The following CD38 variants were observed in gnomAD, a reference collection of about 807,000 sequenced individuals.
CD38 encodes ADP-ribosyl cyclase/cyclic ADP-ribose hydrolase 1.
In CD38, 31 loss-of-function variants were observed where a neutral mutation model predicts 36.3. The observed-to-expected ratio is 0.85, with a 90% confidence interval of 0.64 to 1.15. CD38 has a LOEUF of 1.15. Among genes scored for constraint, CD38 ranks in the 50% most tolerant of loss-of-function variants. The pLI, the probability that CD38 is intolerant of heterozygous loss-of-function variation, is 0.00. For synonymous variants in CD38, 131 were observed against 135.2 expected, an observed-to-expected ratio of 0.97 and a Z score of 0.22; for missense variants, 380 against 371.9, an observed-to-expected ratio of 1.02 and a Z score of -0.18.
At chr4:15,833,724 A>T (rs924507419) in intron 3 of CD38, among the ~76,000 whole-genome samples, 2 of 152,232 alleles carry the variant, frequency 1.3e-5, no homozygotes, top group African/African-American at 4.8e-5. Flanking sequence ...CTCTGTGTCC[A>T]TTGTACTTCA....
intron 1 of CD38, among the ~76,000 whole-genome samples, chr4:15,797,122 A>G (rs10016948): frequency 0.43 from 65,114 of 151,950 alleles, 15,912 homozygotes; most frequent in African/African-American, 0.68. Flanking sequence ...AGTATCTTCA[A>G]ATTTTCTGAT....
intron 3 of CD38, among the ~76,000 whole-genome samples, chr4:15,827,678 A>G (rs1207611436): frequency 6.6e-6 from 1 of 151,754 alleles, no homozygotes; most frequent in Non-Finnish European, 1.5e-5. Flanking sequence ...TTATTTTTTA[A>G]TTTGTTCAAT....
At chr4:15,826,513 G>A (rs531287145) in intron 3 of CD38, among the ~76,000 whole-genome samples, 4 of 149,340 alleles carry the variant, frequency 2.7e-5, no homozygotes, top group Admixed American at 1.3e-4. Context: ...ATACTTGAAC[G>A]ATAAATTTTT....
intron 1 of CD38, among the ~76,000 whole-genome samples, chr4:15,782,836 C>G (rs1324859714): frequency 1.3e-5 from 2 of 152,220 alleles, no homozygotes; most frequent in Non-Finnish European, 2.9e-5. Context: ...CCAAGTCCAT[C>G]TTGCCTGCAC....
rs956377741 is a variant in CD38, at chr4:15,849,596, G to T, written c.*994G>T. On this transcript the variant is annotated 3_prime_UTR_variant, in exon 8 of 8. Transcript: ENST00000226279. ...TACAGTTAAAATATACTTGTTGCTGGTACTGGCAGCTTATATTTTCTCTCT... is the reference window on the plus strand; with the variant it reads ...TACAGTTAAAATATACTTGTTGCTGTTACTGGCAGCTTATATTTTCTCTCT... 2 of 152,116 alleles carry T rather than the reference G, an allele frequency of 1.3e-5. No homozygotes were observed. The highest frequency in any genetic ancestry group is 4.8e-5 in the African/African-American group (2 of 41,410). The allele number at this position is 152,116 out of a possible 1,614,324, so 9.4% of individuals were successfully genotyped here. A position where few individuals can be genotyped will look rare whatever the true frequency, so the allele number is the denominator to read the frequency against.
intron 2 of CD38, among the ~76,000 whole-genome samples, chr4:15,822,962 T>C (rs2148923976): frequency 6.6e-6 from 1 of 152,068 alleles, no homozygotes. Context: ...CAAAATAGCA[T>C]GGTACTTGTA....
At chr4:15,785,841 T>C (rs1426180453) in intron 1 of CD38, among the ~76,000 whole-genome samples, 1 of 152,196 alleles carries the variant, frequency 6.6e-6, no homozygotes, top group African/African-American at 2.4e-5. Flanking sequence ...TGGTGAGTGT[T>C]ACAGTTCTTA....
At chr4:15,834,487 A>G (rs1380336423) in intron 4 of CD38, among the ~76,000 whole-genome samples, 185 bp downstream of exon 4, 2 of 152,230 alleles carry the variant, frequency 1.3e-5, no homozygotes, top group Admixed American at 6.5e-5. Flanking sequence ...ATTTTAGAAC[A>G]TTCTTAGAGG....
intron 1 of CD38, among the ~76,000 whole-genome samples, chr4:15,798,917 G>A (rs892693310): frequency 6.6e-6 from 1 of 152,036 alleles, no homozygotes; most frequent in Non-Finnish European, 1.5e-5. Flanking sequence ...TACACATTCA[G>A]GATTCTAATC....
intron 7 of CD38, 117 bp downstream of exon 7, chr4:15,840,655 A>G: frequency 1.6e-6 from 1 of 622,696 alleles, no homozygotes; most frequent in Non-Finnish European, 2.8e-6. Flanking sequence ...GGCCTTGATG[A>G]TGATCACAGA....
intron 1 of CD38, among the ~76,000 whole-genome samples, chr4:15,779,493 A>C (rs910256887): frequency 1.3e-5 from 2 of 152,156 alleles, no homozygotes; most frequent in Admixed American, 6.5e-5. Context: ...AAACAGAAGA[A>C]GCCGGGAAGG....
At chr4:15,779,511 G>C (rs926256591) in intron 1 of CD38, among the ~76,000 whole-genome samples, 1 of 150,568 alleles carries the variant, frequency 6.6e-6, no homozygotes, top group Admixed American at 6.6e-5. Flanking sequence ...AGGCAGGCAG[G>C]GGGAGCTGCT....
chr4:15,841,450 A>G (rs1425690625), intron 7 of CD38, among the ~76,000 whole-genome samples: 2 of 152,190 alleles, frequency 1.3e-5, no homozygotes, highest in Non-Finnish European at 2.9e-5. Context: ...CCTTGCTTCT[A>G]TCTGGAAACA....
chr4:15,841,911 G>A (rs954180461), intron 7 of CD38, among the ~76,000 whole-genome samples: 2 of 129,322 alleles, frequency 1.5e-5, no homozygotes, highest in Non-Finnish European at 3.2e-5. Context: ...AGGGTCCTAC[G>A]CCCACGGAAT....
chr4:15,806,657 T>C (rs1047444717), intron 1 of CD38, among the ~76,000 whole-genome samples: 4 of 152,072 alleles, frequency 2.6e-5, no homozygotes, highest in Admixed American at 2.6e-4. Context: ...AAGAAAGTGG[T>C]GGGAGGTGAA....
At chr4:15,811,548 T>G (rs967148903) in intron 1 of CD38, among the ~76,000 whole-genome samples, 5 of 152,178 alleles carry the variant, frequency 3.3e-5, no homozygotes, top group Non-Finnish European at 5.9e-5. Context: ...TCCCATTGAA[T>G]GGCCTTGGCA....
At chr4:15,786,587 T>C (rs1002397331) in intron 1 of CD38, among the ~76,000 whole-genome samples, 3 of 152,098 alleles carry the variant, frequency 2.0e-5, no homozygotes, top group African/African-American at 7.2e-5. Flanking sequence ...AGACACAGAG[T>C]GCTGATTGGT....
chr4:15,845,802 T>G (rs1401548481), intron 7 of CD38, among the ~76,000 whole-genome samples: 1 of 31,184 alleles, frequency 3.2e-5, no homozygotes, highest in Non-Finnish European at 4.9e-5. Context: ...ATGGGTGAAC[T>G]CCCATTCACA....
At chr4:15,785,764 C>T (rs1346502044) in intron 1 of CD38, among the ~76,000 whole-genome samples, 2 of 152,214 alleles carry the variant, frequency 1.3e-5, no homozygotes, top group African/African-American at 2.4e-5. Flanking sequence ...GCAATCACAT[C>T]TTAGTGGGTC....
Sources: allele counts gnomAD v4.1 joint callset (sites outside exome capture counted in the v4.1 genomes callset), GRCh38; gene constraint gnomAD v4.1.1; transcripts MANE v1.5; gene names NCBI Gene and HGNC (gene_info 2026-07-23, HGNC 2026-07-21).